Variants in NELL1 observed in about 807,000 individuals in gnomAD.
The protein encoded by NELL1 is protein kinase C-binding protein NELL1.
NELL1 carries 76 observed loss-of-function variants against 107.4 expected under a neutral mutation model. That is an observed-to-expected ratio of 0.71 (90% confidence interval 0.59 to 0.86). The LOEUF (loss-of-function observed/expected upper bound fraction) is 0.86. NELL1 is among the 40% of genes least tolerant of loss of function. The pLI is 0.00. For missense variants in NELL1, 1,024 were observed against 1,005.5 expected (o/e 1.02, Z -0.25); for synonymous variants, 353 against 341.2 (o/e 1.03, Z -0.38).
chr11:20,718,357 A>C (rs1212089811), intron 2 of NELL1, among the ~76,000 whole-genome samples: 1 of 152,178 alleles, frequency 6.6e-6, no homozygotes, highest in Non-Finnish European at 1.5e-5. Context: ...GCCATTCTAG[A>C]AAAACAGTAT....
chr11:21,355,587 AGCCAAAG>A (rs1850914511), intron 14 of NELL1, among the ~76,000 whole-genome samples: 1 of 152,218 alleles, frequency 6.6e-6, no homozygotes, highest in African/African-American at 2.4e-5. Flanking sequence ...GCTTTTACTA[AGCCAAAG>A]GCTGTATGGA....
At chr11:21,057,663 T>C (rs952462775) in intron 12 of NELL1, among the ~76,000 whole-genome samples, 2 of 151,964 alleles carry the variant, frequency 1.3e-5, no homozygotes, top group African/African-American at 2.4e-5. Flanking sequence ...TTTGGTATAT[T>C]ATTATGTATA....
At chr11:21,428,369 G>T (rs952167096) in intron 15 of NELL1, among the ~76,000 whole-genome samples, 2 of 152,014 alleles carry the variant, frequency 1.3e-5, no homozygotes, top group African/African-American at 2.4e-5. Context: ...AAACAAAAGG[G>T]TTTTCTGGTA....
chr11:20,797,790 C>A (rs184518999), intron 3 of NELL1, among the ~76,000 whole-genome samples: 1 of 152,140 alleles, frequency 6.6e-6, no homozygotes, highest in Admixed American at 6.5e-5. Context: ...TTAGTGTGCC[C>A]TGGGCAGATA....
intron 5 of NELL1, among the ~76,000 whole-genome samples, chr11:20,913,331 A>C (rs1457468270): frequency 3.9e-5 from 6 of 152,196 alleles, no homozygotes; most frequent in African/African-American, 1.4e-4. Flanking sequence ...AGAGATCTGC[A>C]GGGAAATAAG....
At chr11:20,918,353 G>A in intron 6 of NELL1, 99 bp downstream of exon 6, 1 of 717,644 alleles carries the variant, frequency 1.4e-6, no homozygotes, top group Non-Finnish European at 2.5e-6. Flanking sequence ...TTACAGTGTT[G>A]ACTTCTGAGG....
intron 3 of NELL1, among the ~76,000 whole-genome samples, chr11:20,834,169 A>G (rs768230053): frequency 1.3e-5 from 2 of 152,190 alleles, no homozygotes; most frequent in African/African-American, 4.8e-5. Context: ...TGGATAAGAT[A>G]AGGATGATAG....
intron 3 of NELL1, among the ~76,000 whole-genome samples, chr11:20,791,733 T>G (rs1857078328): frequency 6.6e-6 from 1 of 151,382 alleles, no homozygotes; most frequent in Non-Finnish European, 1.5e-5. Flanking sequence ...TCTGGAGGTT[T>G]TTTTTTTTTT....
chr11:21,261,882 T>C (rs904691881), intron 14 of NELL1, among the ~76,000 whole-genome samples: 3 of 151,882 alleles, frequency 2.0e-5, no homozygotes, highest in East Asian at 1.9e-4. Context: ...ACAGATTCAA[T>C]TGGTGTTTTC....
chr11:21,359,858 G>A (rs1054459495), intron 14 of NELL1, among the ~76,000 whole-genome samples: 4 of 151,988 alleles, frequency 2.6e-5, no homozygotes, highest in African/African-American at 9.7e-5. Flanking sequence ...TTCTAATTGA[G>A]CTTATTTGGA....
chr11:20,712,733 G>C (rs998938846), intron 2 of NELL1, among the ~76,000 whole-genome samples: 2 of 152,178 alleles, frequency 1.3e-5, no homozygotes, highest in African/African-American at 4.8e-5. Flanking sequence ...AGACTACAGT[G>C]ATTGTTATTG....
At chr11:21,394,899 C>A (rs894027799) in intron 15 of NELL1, among the ~76,000 whole-genome samples, 3 of 151,386 alleles carry the variant, frequency 2.0e-5, no homozygotes, top group African/African-American at 7.3e-5. Flanking sequence ...TTCTCCTACC[C>A]AGAAGGAGCC....
At chr11:21,445,100 G>T (rs1279166977) in intron 15 of NELL1, among the ~76,000 whole-genome samples, 2 of 151,942 alleles carry the variant, frequency 1.3e-5, no homozygotes, top group Non-Finnish European at 2.9e-5. Context: ...CTTATTGTTT[G>T]TATTCATATC....
intron 13 of NELL1, among the ~76,000 whole-genome samples, chr11:21,141,420 T>A (rs1855865107): frequency 6.6e-6 from 1 of 152,208 alleles, no homozygotes; most frequent in Non-Finnish European, 1.5e-5. Flanking sequence ...TTGTTTTTTA[T>A]CCTTCTGTTT....
intron 13 of NELL1, among the ~76,000 whole-genome samples, chr11:21,228,227 G>A (rs536584454): frequency 7.9e-5 from 12 of 152,260 alleles, no homozygotes; most frequent in East Asian, 3.9e-4. Context: ...GGGTAACTCC[G>A]TTAACTTGCT....
At chr11:21,221,997 T>C (rs536596065) in intron 13 of NELL1, among the ~76,000 whole-genome samples, 14 of 152,196 alleles carry the variant, frequency 9.2e-5, no homozygotes, top group African/African-American at 2.2e-4. Context: ...TCCGGCCTAG[T>C]TGAATGATTC....
intron 12 of NELL1, among the ~76,000 whole-genome samples, chr11:21,103,972 A>G (rs1854885636): frequency 6.6e-6 from 1 of 152,186 alleles, no homozygotes; most frequent in Non-Finnish European, 1.5e-5. Flanking sequence ...TCCCACTGAC[A>G]TTTGGAAACT....
At chr11:21,086,087 A>G (rs1854384898) in intron 12 of NELL1, among the ~76,000 whole-genome samples, 1 of 152,212 alleles carries the variant, frequency 6.6e-6, no homozygotes, top group African/African-American at 2.4e-5. Context: ...AATTGAATGA[A>G]CCAGGAAACT....
intron 12 of NELL1, among the ~76,000 whole-genome samples, chr11:20,960,873 G>A (rs1851276517): frequency 6.6e-6 from 1 of 152,122 alleles, no homozygotes; most frequent in African/African-American, 2.4e-5. Flanking sequence ...ATCATATTCT[G>A]TTTTCTTATT....
Sources: allele counts gnomAD v4.1 joint callset (sites outside exome capture counted in the v4.1 genomes callset), GRCh38; gene constraint gnomAD v4.1.1; transcripts MANE v1.5; gene names NCBI Gene and HGNC (gene_info 2026-07-23, HGNC 2026-07-21).